The following CHL1 variants were observed in gnomAD, a reference collection of about 807,000 sequenced individuals.
CHL1 encodes the protein cell adhesion molecule L1 like, also known as neural cell adhesion molecule L1-like protein.
In CHL1, 96 loss-of-function variants were observed where a neutral mutation model predicts 141.9. That is an observed-to-expected ratio of 0.68 (90% confidence interval 0.57 to 0.80). CHL1 has a LOEUF of 0.80. Ranked by LOEUF, CHL1 falls within the 30% of genes least tolerant of loss-of-function variation. The pLI is 0.00. For synonymous variants in CHL1, 613 were observed against 502.2 expected, an observed-to-expected ratio of 1.22 and a Z score of -2.95; for missense variants, 1,820 against 1,457.2, an observed-to-expected ratio of 1.25 and a Z score of -4.05.
At position 377,822 on chromosome 3, in the gene CHL1, A is replaced by G. The variant is rs139633553; in HGVS notation, c.1756A>G (p.Ile586Val). 1.9e-6 allele frequency: 3 copies of G among 1,603,962 alleles called. No individual in the cohort carries two copies. The highest frequency in any genetic ancestry group is 1.3e-5 in the African/African-American group (1 of 74,654). The change falls in exon 16 of 28, where the codon ATT becomes GTT. Residue 586 changes from isoleucine (I) to valine (V), a missense_variant. Transcript: ENST00000256509. ...EINGTEDGRI[I>V]IDGANLTISN... Reference sequence around the variant, plus strand: ...TACTCACTTTTTTTCTGATAGGATAATTATTGATGGAGCTAATTTGACCAT... The same window carrying G: ...TACTCACTTTTTTTCTGATAGGATAGTTATTGATGGAGCTAATTTGACCAT...
intron 15 of CHL1, among the ~76,000 whole-genome samples, chr3:369,071 A>G (rs1257735270): frequency 6.6e-6 from 1 of 152,148 alleles, no homozygotes; most frequent in African/African-American, 2.4e-5. Flanking sequence ...TGTTTTGTCT[A>G]TATGGGGTCT....
At chr3:330,816 A>G (rs559493377) in intron 5 of CHL1, among the ~76,000 whole-genome samples, 2 of 152,324 alleles carry the variant, frequency 1.3e-5, no homozygotes, top group East Asian at 1.9e-4. Context: ...GTTTTCAGAA[A>G]TCAAGATTCA....
chr3:313,018 A>G (rs1699878080), intron 2 of CHL1, among the ~76,000 whole-genome samples: 1 of 152,166 alleles, frequency 6.6e-6, no homozygotes, highest in Non-Finnish European at 1.5e-5. Flanking sequence ...ATAGTAGCTG[A>G]AACAACTTAA....
intron 2 of CHL1, among the ~76,000 whole-genome samples, chr3:295,488 T>G (rs1698105475): frequency 6.6e-6 from 1 of 152,178 alleles, no homozygotes; most frequent in African/African-American, 2.4e-5. Context: ...CATTAAAAAG[T>G]AACATGAAAT....
At chr3:312,727 C>G (rs1030755086) in intron 2 of CHL1, among the ~76,000 whole-genome samples, 1 of 152,152 alleles carries the variant, frequency 6.6e-6, no homozygotes, top group Admixed American at 6.6e-5. Context: ...TGTCAAATGG[C>G]TTTATATAAG....
chr3:330,741 T>A (rs1389801298), intron 5 of CHL1, among the ~76,000 whole-genome samples: 1 of 152,142 alleles, frequency 6.6e-6, no homozygotes, highest in Non-Finnish European at 1.5e-5. Context: ...CAAAAATATC[T>A]TTGAGGAACA....
chr3:298,052 C>T (rs1383998210), intron 2 of CHL1, among the ~76,000 whole-genome samples: 4 of 152,144 alleles, frequency 2.6e-5, no homozygotes, highest in Non-Finnish European at 4.4e-5. Context: ...CTTGTTTCTT[C>T]TACCTGAGTG....
At chr3:399,386 A>T (rs1010808372) in intron 26 of CHL1, among the ~76,000 whole-genome samples, 1 of 152,222 alleles carries the variant, frequency 6.6e-6, no homozygotes, top group Non-Finnish European at 1.5e-5. Flanking sequence ...TCACGCCTGT[A>T]ATTCCAGCAG....
chr3:318,858 A>G (rs1043130061), intron 2 of CHL1, among the ~76,000 whole-genome samples: 4 of 151,682 alleles, frequency 2.6e-5, no homozygotes, highest in African/African-American at 7.3e-5. Flanking sequence ...ATGGGAATAG[A>G]TATCTAATAT....
intron 1 of CHL1, among the ~76,000 whole-genome samples, chr3:240,519 A>C (rs941425203): frequency 3.3e-5 from 5 of 152,000 alleles, no homozygotes; most frequent in Non-Finnish European, 2.9e-5. Context: ...GGATGTATAG[A>C]TTGTGAAGAT....
intron 15 of CHL1, among the ~76,000 whole-genome samples, chr3:371,592 T>A (rs1376731433): frequency 6.6e-6 from 1 of 152,230 alleles, no homozygotes; most frequent in East Asian, 1.9e-4. Context: ...ATTTGGCTAC[T>A]CAGTGCATTT....
intron 2 of CHL1, among the ~76,000 whole-genome samples, chr3:308,406 T>C (rs966796565): frequency 3.9e-5 from 6 of 152,084 alleles, no homozygotes; most frequent in Admixed American, 3.9e-4. Context: ...TTGTTTATTT[T>C]AGTTTTATAA....
At chr3:333,878 T>TGG (rs1240180668) in intron 5 of CHL1, among the ~76,000 whole-genome samples, 1 of 152,206 alleles carries the variant, frequency 6.6e-6, no homozygotes, top group Admixed American at 6.5e-5. Flanking sequence ...ATTAGATTTC[T>TGG]CCACTTAGCA....
intron 24 of CHL1, among the ~76,000 whole-genome samples, chr3:398,007 T>C (rs1215581679): frequency 6.6e-6 from 1 of 152,194 alleles, no homozygotes; most frequent in Admixed American, 6.5e-5. Context: ...TACCATTTCA[T>C]CTTAAATGGC....
chr3:258,225 A>G (rs1574882088), intron 2 of CHL1, among the ~76,000 whole-genome samples: 1 of 152,204 alleles, frequency 6.6e-6, no homozygotes, highest in East Asian at 1.9e-4. Flanking sequence ...ATTAAGAGAG[A>G]ATATTGTGTC....
At chr3:386,926 A>G (rs1707776595) in intron 19 of CHL1, among the ~76,000 whole-genome samples, 1 of 152,188 alleles carries the variant, frequency 6.6e-6, no homozygotes, top group Non-Finnish European at 1.5e-5. Flanking sequence ...AAGTATATGA[A>G]GTAACATATA....
At chr3:217,357 A>C (rs1281619195) in intron 1 of CHL1, among the ~76,000 whole-genome samples, 1 of 152,086 alleles carries the variant, frequency 6.6e-6, no homozygotes, top group Non-Finnish European at 1.5e-5. Context: ...GCTGCGAACA[A>C]ATCCCAGGCA....
chr3:271,630 G>C (rs1401448588), intron 2 of CHL1, among the ~76,000 whole-genome samples: 1 of 152,200 alleles, frequency 6.6e-6, no homozygotes, highest in Non-Finnish European at 1.5e-5. Flanking sequence ...AATTTTGAAT[G>C]AACATTGGCA....
intron 2 of CHL1, among the ~76,000 whole-genome samples, chr3:311,473 C>T (rs1358830745): frequency 6.6e-6 from 1 of 151,776 alleles, no homozygotes; most frequent in Admixed American, 6.6e-5. Context: ...CTGTGCTGAG[C>T]CCTGCAGGTC....
Sources: allele counts gnomAD v4.1 joint callset (sites outside exome capture counted in the v4.1 genomes callset), GRCh38; gene constraint gnomAD v4.1.1; transcripts MANE v1.5; gene names NCBI Gene and HGNC (gene_info 2026-07-23, HGNC 2026-07-21).